Variants in FMO5 observed in about 807,000 individuals in gnomAD.
FMO5 encodes flavin containing dimethylaniline monoxygenase 5, also known as flavin-containing monooxygenase 5.
FMO5 carries 51 observed loss-of-function variants against 43.6 expected under a neutral mutation model. That is an observed-to-expected ratio of 1.17 (90% confidence interval 0.93 to 1.48). The LOEUF is 1.48. Ranked by LOEUF, FMO5 falls within the 40% of genes most tolerant of loss-of-function variation. The probability of loss-of-function intolerance (pLI) is 0.00; values close to 1 mark genes in which losing one functional copy is unlikely to be tolerated. For missense variants in FMO5, 644 were observed against 643.0 expected (o/e 1.00, Z -0.02); for synonymous variants, 187 against 216.5 (o/e 0.86, Z 1.20).
rs1553925917 is a variant in FMO5 at position 147,220,073 on chromosome 1, C to T, written c.136-4131G>A. ...CAGGCTGGTCTCGATCTCCTGACCTCGTGATCCACCCACCTCGGCCTCCCA... is the reference window on the plus strand; with the variant it reads ...CAGGCTGGTCTCGATCTCCTGACCTTGTGATCCACCCACCTCGGCCTCCCA... On this transcript the variant is annotated intron_variant, in intron 2 of 8. Transcript: ENST00000254090. Among the ~76,000 whole-genome samples, 5 of 151,950 alleles carry T rather than the reference C, an allele frequency of 3.3e-5. No individual in the cohort carries two copies. In the South Asian group the frequency reaches 6.2e-4, roughly 19 times the overall value.
intron 6 of FMO5, among the ~76,000 whole-genome samples, chr1:147,202,164 G>A (rs782141872): frequency 3.3e-5 from 5 of 151,710 alleles, no homozygotes; most frequent in African/African-American, 9.7e-5. Context: ...GGTATACTTC[G>A]GGCTTGTTAT....
At chr1:147,210,536 T>G (rs1660911183) in intron 5 of FMO5, 1 of 152,156 alleles carries the variant, frequency 6.6e-6, no homozygotes, top group African/African-American at 2.4e-5. Flanking sequence ...CTCTGATAAT[T>G]ATGTACTTCC....
Position 147,201,134 on chromosome 1 carries a change from A to G in FMO5, c.1183+18T>C. 2.6e-6 allele frequency: 4 copies of G among 1,558,246 alleles called. No homozygotes were observed. The highest frequency in any genetic ancestry group is 1.4e-5 in the African/African-American group (1 of 73,282). On this transcript the variant is annotated intron_variant, in intron 7 of 8. Coordinates refer to ENST00000254090, the MANE Select transcript of FMO5 (RefSeq NM_001461.4). ...ATATCACCAAGTAATTAAGTAGTCT[A>G]TTTGCATGGTCACTTACCTTTAAAT...
At chr1:147,208,457 T>TTTC (rs11380864) in intron 6 of FMO5, 1 of 151,558 alleles carries the variant, frequency 6.6e-6, no homozygotes, top group Non-Finnish European at 1.5e-5. Flanking sequence ...TTTTTTTTTT[T>TTTC]CTTTTTGAGA....
chr1:147,186,836 C>A lies in FMO5; in HGVS notation c.*64G>T. 1 of 1,533,092 alleles carries A rather than the reference C, an allele frequency of 6.5e-7. No individual in the cohort carries two copies. 95.0% of individuals were successfully genotyped at this position (1,533,092 alleles called of 1,614,324 possible). On this transcript the variant is annotated 3_prime_UTR_variant, in exon 9 of 9. Coordinates refer to ENST00000254090, the MANE Select transcript of FMO5 (RefSeq NM_001461.4). Reference sequence around the variant, plus strand: ...ATATGAAACTGAGAGTCAATCTCGTCAGATTCTGAAGGCATCTGTAGATAA... The same window carrying A: ...ATATGAAACTGAGAGTCAATCTCGTAAGATTCTGAAGGCATCTGTAGATAA...
At chr1:147,193,914 G>T (rs1553919124) in intron 7 of FMO5, among the ~76,000 whole-genome samples, 1 of 152,040 alleles carries the variant, frequency 6.6e-6, no homozygotes, top group African/African-American at 2.4e-5. Flanking sequence ...GCTGAGGAGT[G>T]CTTTACTTCC....
intron 2 of FMO5, among the ~76,000 whole-genome samples, chr1:147,218,458 G>A (rs186646643): frequency 0.013 from 1,941 of 151,850 alleles, 43 homozygotes; most frequent in African/African-American, 0.045. Context: ...GGCTGGACTC[G>A]ATCTCCTGAC....
downstream of FMO5, among the ~76,000 whole-genome samples, chr1:147,185,161 A>C (rs1306509253): frequency 7.0e-6 from 1 of 143,602 alleles, no homozygotes; most frequent in Non-Finnish European, 1.5e-5. Context: ...GAGCTAAAAA[A>C]TCATTAACCA....
At chr1:147,204,638 C>A (rs1464605599) in intron 6 of FMO5, 2 of 1,587,280 alleles carry the variant, frequency 1.3e-6, no homozygotes, top group Non-Finnish European at 1.7e-6. Flanking sequence ...TTTGTGCCAT[C>A]TCCAACTTCT....
rs1656443363 is a variant in FMO5, at chr1:147,190,219, A to G, written c.1214T>C (p.Met405Thr). The change falls in exon 8 of 9, where the codon ATG becomes ACG. Residue 405 changes from methionine to threonine, a missense_variant. Physicochemically the swap from Met to Thr is moderately conservative, Grantham distance 81. Transcript: ENST00000254090. ...TTGAGCTTTAGATATTTCTGCCATCATTTCACTCTGTGAGGGCAATGTCTT... is the reference window on the plus strand; with the variant it reads ...TTGAGCTTTAGATATTTCTGCCATCGTTTCACTCTGTGAGGGCAATGTCTT... ...GLKTLPSQSEMMAEISKAQEE... is the reference protein window; with the variant it reads ...GLKTLPSQSETMAEISKAQEE... The G allele has an allele frequency of 1.9e-6, 3 of 1,611,944 alleles. No individual in the cohort carries two copies.
At chr1:147,185,933 A>T (rs1400325676), downstream of FMO5, among the ~76,000 whole-genome samples, 1 of 152,194 alleles carries the variant, frequency 6.6e-6, no homozygotes, top group African/African-American at 2.4e-5. Flanking sequence ...GTATAAGCAG[A>T]ATGTTCCTAC....
intron 6 of FMO5, chr1:147,204,198 A>C (rs1553921718): frequency 1.5e-6 from 2 of 1,375,378 alleles, no homozygotes; most frequent in African/African-American, 2.8e-5. Flanking sequence ...ATGCCATCAA[A>C]AGGACAAGAG....
Position 147,223,959 on chromosome 1 carries a change from T to G in FMO5, c.135+936A>C, listed in dbSNP as rs79074386. 44 of 386,908 alleles carry G rather than the reference T, an allele frequency of 1.1e-4. 1 individual carries two copies. The East Asian group carries it at 3.7e-3, about 32-fold the overall frequency. 24.0% of individuals were successfully genotyped at this position (386,908 alleles called of 1,614,324 possible). On this transcript the variant is annotated intron_variant, in intron 2 of 8. Coordinates refer to ENST00000254090, the MANE Select transcript of FMO5 (RefSeq NM_001461.4). ...ACCCCCATCGAGACACCACCCGTCT[T>G]TCCAGCAGGGGTTAACACAATCACC...
At chr1:147,224,586 T>G (rs1167371882) in intron 2 of FMO5, among the ~76,000 whole-genome samples, 1 of 152,088 alleles carries the variant, frequency 6.6e-6, no homozygotes, top group Non-Finnish European at 1.5e-5. Flanking sequence ...CTCGGCTCAC[T>G]GCAAGCTCTG....
intron 6 of FMO5, 121 bp from the exon 7 acceptor site, chr1:147,201,625 C>A: frequency 1.4e-6 from 1 of 707,040 alleles, no homozygotes; most frequent in Non-Finnish European, 2.4e-6. Context: ...TTGGTCTATG[C>A]ATGAAGTTTG....
At chr1:147,210,202 A>C (rs1553923493) in intron 5 of FMO5, 1 of 152,244 alleles carries the variant, frequency 6.6e-6, no homozygotes, top group African/African-American at 2.4e-5. Flanking sequence ...AGGTCTGACT[A>C]ACTCCAAAGC....
chr1:147,221,883 G>A (rs962930445), intron 2 of FMO5, among the ~76,000 whole-genome samples: 3 of 152,232 alleles, frequency 2.0e-5, no homozygotes, highest in Non-Finnish European at 4.4e-5. Flanking sequence ...TTACCACTGT[G>A]CCAATCCACT....
downstream of FMO5, among the ~76,000 whole-genome samples, chr1:147,185,370 C>G (rs112137034): frequency 0.013 from 1,911 of 152,090 alleles, 42 homozygotes; most frequent in African/African-American, 0.044. Context: ...TAAAAGGAAG[C>G]AAGAGACATT....
Position 147,221,283 on chromosome 1 carries a change from A to G in FMO5, c.135+3612T>C, listed in dbSNP as rs587656725. Among the ~76,000 whole-genome samples, 4 of 152,346 alleles carry G rather than the reference A, an allele frequency of 2.6e-5. No homozygotes were observed. The South Asian group carries it at 8.3e-4, about 32-fold the overall frequency. On this transcript the variant is annotated intron_variant, in intron 2 of 8. Coordinates refer to ENST00000254090, the MANE Select transcript of FMO5 (RefSeq NM_001461.4). ...TAAATCTGAATAAAGTATGGACTTC[A>G]GTTAATAATAATGTATCAATATTGG...
Sources: allele counts gnomAD v4.1 joint callset (sites outside exome capture counted in the v4.1 genomes callset), GRCh38; gene constraint gnomAD v4.1.1; transcripts MANE v1.5; gene names NCBI Gene and HGNC (gene_info 2026-07-23, HGNC 2026-07-21).